FKBP9: variants seen among roughly 807,000 people sequenced by gnomAD.
The protein encoded by FKBP9 is peptidyl-prolyl cis-trans isomerase FKBP9.
In FKBP9, 27 loss-of-function variants were observed where a neutral mutation model predicts 55.6. The observed-to-expected ratio is 0.49, with a 90% CI of 0.36 to 0.67. FKBP9 has a LOEUF of 0.67. Ranked by LOEUF, FKBP9 falls within the 30% of genes least tolerant of loss-of-function variation. The pLI is 0.00. For synonymous variants in FKBP9, 267 were observed against 296.5 expected (o/e 0.90, Z 1.02); for missense variants, 539 against 742.8 (o/e 0.73, Z 3.19).
chr7:32,977,558 C>G (rs1441159092), intron 4 of FKBP9, among the ~76,000 whole-genome samples: 1 of 152,104 alleles, frequency 6.6e-6, no homozygotes, highest in East Asian at 1.9e-4. Context: ...CATGGGACCA[C>G]TCTCATATAT....
chr7:32,996,763 TGATA>T (rs1473483284), intron 7 of FKBP9, among the ~76,000 whole-genome samples: 2 of 117,940 alleles, frequency 1.7e-5, no homozygotes, highest in Non-Finnish European at 3.3e-5. Flanking sequence ...TTTTTTTTTT[TGATA>T]AAGTCTCACT....
intron 4 of FKBP9, among the ~76,000 whole-genome samples, chr7:32,977,870 C>CATGTATATATAT (rs780985630): frequency 2.4e-5 from 3 of 124,650 alleles, no homozygotes; most frequent in South Asian, 5.1e-4. Context: ...TATACATGCC[C>CATGTATATATAT]ATATATATAT....
intron 5 of FKBP9, among the ~76,000 whole-genome samples, chr7:32,984,944 G>A (rs996338311): frequency 1.1e-4 from 17 of 152,104 alleles, no homozygotes; most frequent in African/African-American, 4.1e-4. Flanking sequence ...TCCTAGGGCA[G>A]CATCACAACT....
intron 1 of FKBP9, among the ~76,000 whole-genome samples, chr7:32,960,108 CTTTTTTTTT>C (rs398004304): frequency 2.0e-5 from 2 of 98,622 alleles, no homozygotes; most frequent in African/African-American, 8.0e-5. Flanking sequence ...TTGTACTTGT[CTTTTTTTTT>C]TTTTTTTTTT....
chr7:32,994,836 G>A (rs1784753552), intron 6 of FKBP9, among the ~76,000 whole-genome samples: 1 of 152,016 alleles, frequency 6.6e-6, no homozygotes, highest in South Asian at 2.1e-4. Context: ...CAATCAAGAA[G>A]CAGACACAGA....
Position 32,988,662 on chromosome 7 carries a change from A to G in FKBP9, c.1039+10A>G. 6.2e-7 allele frequency: 1 copy of G among 1,613,600 alleles called. No homozygotes were observed. The highest frequency in any genetic ancestry group is 2.2e-5 in the East Asian group (1 of 44,878). The stretch of plus-strand genomic sequence containing the variant: ...GGAGAGGAAGGAAGAGGTGAGCATC[A>G]GCATCACCTGCCTTCCTCACTAGCT... On this transcript the variant is annotated intron_variant, in intron 6 of 9. Coordinates refer to ENST00000242209, the MANE Select transcript of FKBP9 (RefSeq NM_007270.5).
At chr7:32,996,729 T>C (rs1784801837) in intron 7 of FKBP9, among the ~76,000 whole-genome samples, 1 of 134,392 alleles carries the variant, frequency 7.4e-6, no homozygotes, top group African/African-American at 2.9e-5. Flanking sequence ...TTTTTTTCCT[T>C]CCTTCCTTCC....
At chr7:32,968,202 T>C (rs1784184899) in intron 1 of FKBP9, among the ~76,000 whole-genome samples, 1 of 152,120 alleles carries the variant, frequency 6.6e-6, no homozygotes, top group Non-Finnish European at 1.5e-5. Flanking sequence ...CCACCACACA[T>C]GGCTAATTTT....
chr7:32,957,640 C>G lies in FKBP9; in HGVS notation c.67C>G (p.Gln23Glu). The G allele has an allele frequency of 6.7e-7, 1 of 1,498,780 alleles. No homozygotes were observed. Among genetic ancestry groups the G allele is most frequent in the Non-Finnish European group, 8.8e-7 (1 of 1,132,658 alleles). The allele number at this position is 1,498,780 out of a possible 1,614,324, so 92.8% of individuals were successfully genotyped here. The change falls in exon 1 of 10, where the codon CAG becomes GAG. Residue 23 changes from glutamine (Q) to glutamate (E), a missense_variant. Physicochemically the swap from Gln to Glu is conservative, Grantham distance 29. Around this residue, in one of 4 missense-constraint regions of FKBP9, gnomAD observed 236 missense variants for 271.5 expected, o/e 0.87. Coordinates refer to ENST00000242209, the MANE Select transcript of FKBP9 (RefSeq NM_007270.5). ...LLLLLLWVTG[Q>E]AAPVAGLGSD... ...CCTGCTGCTGCTCTGGGTGACCGGG[C>G]AGGCAGCGCCCGTGGCGGGCCTGGG...
At chr7:32,994,478 T>C (rs542602783) in intron 6 of FKBP9, among the ~76,000 whole-genome samples, 28 of 152,028 alleles carry the variant, frequency 1.8e-4, no homozygotes, top group Non-Finnish European at 3.4e-4. Flanking sequence ...TGTCCATGTG[T>C]GTTAGCTTCC....
At chr7:32,973,683 T>TTG (rs1491398787) in intron 1 of FKBP9, among the ~76,000 whole-genome samples, 78 of 6,792 alleles carry the variant, frequency 0.011, 1 homozygote, top group African/African-American at 0.023. Flanking sequence ...TTTTTTGTTG[T>TTG]TTTTTTTTTT....
In FKBP9 at chr7:32,963,351, T is replaced by C. The variant is rs1389213287; in HGVS notation, c.221+5557T>C. Among the ~76,000 whole-genome samples, 8 of 151,970 alleles carry C rather than the reference T, an allele frequency of 5.3e-5. No homozygotes were observed. The East Asian group carries it at 1.5e-3, about 29-fold the overall frequency. On this transcript the variant is annotated intron_variant, in intron 1 of 9. Coordinates refer to ENST00000242209, the MANE Select transcript of FKBP9 (RefSeq NM_007270.5). ...TTGTGGACTTTGGTATTTTTTTTTT[T>C]CATCCCATGGATTCAAGTTGCCCTG...
intron 6 of FKBP9, 112 bp downstream of exon 6, chr7:32,988,764 G>A (rs1583862431): frequency 9.5e-7 from 1 of 1,052,342 alleles, no homozygotes; most frequent in Non-Finnish European, 1.4e-6. Context: ...GTCTCCCTCT[G>A]TTGAACAGGC....
intron 4 of FKBP9, chr7:32,979,450 A>G: frequency 7.1e-7 from 1 of 1,403,828 alleles, no homozygotes; most frequent in Admixed American, 2.0e-5. Flanking sequence ...GGCTTTCAGC[A>G]GATTTCATCA....
Position 32,968,733 on chromosome 7 carries a change from T to C in FKBP9, c.222-5884T>C, listed in dbSNP as rs550713485. 5.3e-5 allele frequency among the ~76,000 whole-genome samples: 8 copies of C among 152,124 alleles called. No individual in the cohort carries two copies. The South Asian group carries it at 1.5e-3, about 28-fold the overall frequency. On this transcript the variant is annotated intron_variant, in intron 1 of 9. Coordinates refer to ENST00000242209, the MANE Select transcript of FKBP9 (RefSeq NM_007270.5). The stretch of plus-strand genomic sequence containing the variant: ...GACTACAGGCATATGCCACCATGCC[T>C]GGCTAATTTTTGTATTTTTAGTAGA...
chr7:32,982,616 T>C (rs1045731510), intron 5 of FKBP9, among the ~76,000 whole-genome samples: 18 of 152,318 alleles, frequency 1.2e-4, no homozygotes, highest in African/African-American at 4.3e-4. Flanking sequence ...ATTTAGTGCA[T>C]ATGTGTATTA....
chr7:33,000,328 G>A, intron 8 of FKBP9, 68 bp downstream of exon 8: 2 of 1,417,604 alleles, frequency 1.4e-6, no homozygotes, highest in South Asian at 1.2e-5. Context: ...GCTTTTTGGG[G>A]TGCCATAGTT....
intron 5 of FKBP9, among the ~76,000 whole-genome samples, chr7:32,980,811 T>C: frequency 6.6e-6 from 1 of 152,012 alleles, no homozygotes; most frequent in Non-Finnish European, 1.5e-5. Flanking sequence ...CGTGGCTTTC[T>C]GCAGCCTTGA....
intron 5 of FKBP9, among the ~76,000 whole-genome samples, chr7:32,987,082 C>T (rs1659281140): frequency 6.6e-6 from 1 of 152,116 alleles, no homozygotes; most frequent in Non-Finnish European, 1.5e-5. Flanking sequence ...CTTGGAAAAC[C>T]CAAGTATTCA....
Sources: gnomAD v4.1 joint callset for allele counts (sites outside exome capture counted in the v4.1 genomes callset) on GRCh38, gnomAD v4.1.1 for gene constraint, gnomAD v4.1.1 regional missense constraint, MANE v1.5 for transcripts, NCBI Gene and HGNC (gene_info 2026-07-23, HGNC 2026-07-21) for gene names.